The following PDE11A variants were observed in gnomAD, a reference collection of about 807,000 sequenced individuals.
PDE11A encodes the protein dual 3',5'-cyclic-AMP and -GMP phosphodiesterase 11A.
In PDE11A, 100 loss-of-function variants were observed where a neutral mutation model predicts 100.5. The ratio of observed to expected loss-of-function variants is 1.00; its 90% CI spans 0.85 to 1.18. The LOEUF (loss-of-function observed/expected upper bound fraction) is 1.18. Among genes scored for constraint, PDE11A ranks in the 50% most tolerant of loss-of-function variants. PDE11A has a pLI of 0.00. For missense variants in PDE11A, 1,141 were observed against 1,152.6 expected (o/e 0.99, Z 0.15); for synonymous variants, 381 against 420.8 (o/e 0.91, Z 1.16).
intron 5 of PDE11A, among the ~76,000 whole-genome samples, chr2:177,872,311 A>C (rs988775936): frequency 6.6e-6 from 1 of 152,226 alleles, no homozygotes; most frequent in African/African-American, 2.4e-5. Flanking sequence ...AAATGCAAGA[A>C]GTCTATCATG....
chr2:177,734,404 T>A (rs144610283), intron 10 of PDE11A, among the ~76,000 whole-genome samples: 1 of 152,230 alleles, frequency 6.6e-6, no homozygotes, highest in East Asian at 1.9e-4. Context: ...AAAGTAAGTT[T>A]TTGCTTGATC....
intron 2 of PDE11A, among the ~76,000 whole-genome samples, chr2:178,100,630 A>G (rs897154325): frequency 9.2e-5 from 14 of 152,228 alleles, no homozygotes; most frequent in African/African-American, 2.7e-4. Context: ...CAGAACTAAC[A>G]AACAATAATA....
chr2:177,957,414 C>A (rs1258116884), intron 2 of PDE11A, among the ~76,000 whole-genome samples: 1 of 152,046 alleles, frequency 6.6e-6, no homozygotes, highest in Non-Finnish European at 1.5e-5. Context: ...ATCCTAAAAA[C>A]AACAACACAA....
At chr2:177,940,701 T>C (rs10497482) in intron 2 of PDE11A, among the ~76,000 whole-genome samples, 16,113 of 152,278 alleles carry the variant, frequency 0.11, 1,149 homozygotes, top group Non-Finnish European at 0.15. Flanking sequence ...ATAGCTGTCA[T>C]GGGATAAGGG....
chr2:177,689,361 C>T (rs898017692), intron 15 of PDE11A, among the ~76,000 whole-genome samples: 1 of 152,112 alleles, frequency 6.6e-6, no homozygotes, highest in African/African-American at 2.4e-5. Context: ...GGATTACAGG[C>T]GTGAGCCACT....
At chr2:177,784,380 C>G (rs2082501228) in intron 9 of PDE11A, among the ~76,000 whole-genome samples, 1 of 151,978 alleles carries the variant, frequency 6.6e-6, no homozygotes, top group Non-Finnish European at 1.5e-5. Flanking sequence ...ATTACAGTTA[C>G]AAATGCCGTG....
intron 5 of PDE11A, among the ~76,000 whole-genome samples, chr2:177,859,663 T>C (rs1332756244): frequency 6.6e-6 from 1 of 151,726 alleles, no homozygotes; most frequent in Non-Finnish European, 1.5e-5. Context: ...TGGCAGAATA[T>C]ATATATATTT....
rs115112954 is a variant in PDE11A at position 178,094,344 on chromosome 2, C to T, written c.162+9958G>A. ...AGGAGTTCAAGACCAGCCTTGGTGACGTGGTGAAACCCCATCTCTACAAAA... is the reference window on the plus strand; with the variant it reads ...AGGAGTTCAAGACCAGCCTTGGTGATGTGGTGAAACCCCATCTCTACAAAA... On this transcript the variant is annotated intron_variant, in intron 2 of 20. Transcript: ENST00000358450. 3.5e-3 allele frequency among the ~76,000 whole-genome samples: 531 copies of T among 151,808 alleles called. 8 individuals are homozygous for T. The highest frequency in any genetic ancestry group is 0.012 in the African/African-American group (507 of 41,370).
intron 1 of PDE11A, among the ~76,000 whole-genome samples, chr2:178,020,494 C>T (rs1000945543): frequency 6.6e-6 from 1 of 152,174 alleles, no homozygotes; most frequent in African/African-American, 2.4e-5. Context: ...AAACTGATAA[C>T]TTAAAGAGAA....
At chr2:177,717,260 C>T (rs1176833440) in intron 12 of PDE11A, among the ~76,000 whole-genome samples, 1 of 152,196 alleles carries the variant, frequency 6.6e-6, no homozygotes, top group Middle Eastern at 3.4e-3. Flanking sequence ...AGTCATCAGG[C>T]CTGAAAAATG....
chr2:177,914,339 C>T (rs1333888110), intron 2 of PDE11A, among the ~76,000 whole-genome samples: 4 of 152,080 alleles, frequency 2.6e-5, no homozygotes, highest in Non-Finnish European at 5.9e-5. Flanking sequence ...ATCCATTAGG[C>T]CTACAAGCTA....
At chr2:177,810,585 T>C (rs1337468954) in intron 9 of PDE11A, among the ~76,000 whole-genome samples, 1 of 152,050 alleles carries the variant, frequency 6.6e-6, no homozygotes, top group Non-Finnish European at 1.5e-5. Context: ...GAGAAACAGG[T>C]AGCTGGTCTT....
rs59560500 is a variant in PDE11A, at chr2:177,929,128, A to G, written c.1072-23941T>C. 9.6e-3 allele frequency among the ~76,000 whole-genome samples: 1,467 copies of G among 152,230 alleles called. 29 individuals carry two copies. The highest frequency in any genetic ancestry group is 0.034 in the African/African-American group (1,414 of 41,540). ...CCAACTTTTCTCTGCAAGTGCTCCCAGCCTGGGTTCTCTCACAGTCATCCA... is the reference window on the plus strand; with the variant it reads ...CCAACTTTTCTCTGCAAGTGCTCCCGGCCTGGGTTCTCTCACAGTCATCCA... On this transcript the variant is annotated intron_variant, in intron 2 of 19. Transcript: ENST00000286063.
Position 177,727,775 on chromosome 2 carries a change from G to T in PDE11A, c.1936-10C>A. 1 of 1,509,868 alleles carries T rather than the reference G, an allele frequency of 6.6e-7. No individual in the cohort carries two copies. The highest frequency in any genetic ancestry group is 9.2e-7 in the Non-Finnish European group (1 of 1,084,970). The allele number at this position is 1,509,868 out of a possible 1,614,324, so 93.5% of individuals were successfully genotyped here. A position where few individuals can be genotyped will look rare whatever the true frequency, so the allele number is the denominator to read the frequency against. ...GCCACCTACACAGTGTCTGAAATGGGAGGGAGAGGGTGCGTCAGGCAGTTG... is the reference window on the plus strand; with the variant it reads ...GCCACCTACACAGTGTCTGAAATGGTAGGGAGAGGGTGCGTCAGGCAGTTG... On this transcript the variant is annotated splice_polypyrimidine_tract_variant and intron_variant, in intron 11 of 19. Transcript: ENST00000286063.
chr2:178,093,019 T>C (rs2087443896), intron 2 of PDE11A: 1 of 152,238 alleles, frequency 6.6e-6, no homozygotes, highest in African/African-American at 2.4e-5. Flanking sequence ...TAGGGCTCAC[T>C]TTCTGATCTG....
At chr2:177,714,230 T>C (rs564310122) in intron 12 of PDE11A, among the ~76,000 whole-genome samples, 1 of 152,198 alleles carries the variant, frequency 6.6e-6, no homozygotes, top group South Asian at 2.1e-4. Flanking sequence ...ACTGACCTTG[T>C]GATCCACCTG....
At chr2:178,051,830 G>T (rs2086831617) in intron 1 of PDE11A, among the ~76,000 whole-genome samples, 1 of 152,168 alleles carries the variant, frequency 6.6e-6, no homozygotes, top group Admixed American at 6.5e-5. Flanking sequence ...AAATATATAT[G>T]CACCCAATAC....
intron 4 of PDE11A, among the ~76,000 whole-genome samples, chr2:177,891,442 C>T (rs1450208428): frequency 6.6e-6 from 1 of 152,180 alleles, no homozygotes; most frequent in South Asian, 2.1e-4. Flanking sequence ...AATCTGATGG[C>T]TGAAAAAATC....
At chr2:177,831,387 A>G (rs1364944342) in intron 6 of PDE11A, among the ~76,000 whole-genome samples, 1 of 152,220 alleles carries the variant, frequency 6.6e-6, no homozygotes, top group African/African-American at 2.4e-5. Flanking sequence ...GTTTCTAAGG[A>G]CTTCCCTGAA....
Sources: allele counts gnomAD v4.1 joint callset (sites outside exome capture counted in the v4.1 genomes callset), GRCh38; gene constraint gnomAD v4.1.1; transcripts MANE v1.5; gene names NCBI Gene and HGNC (gene_info 2026-07-23, HGNC 2026-07-21).